Variants in SIK2 observed in about 807,000 individuals in gnomAD.
The protein encoded by SIK2 is serine/threonine-protein kinase SIK2.
Under a neutral mutation model 103.2 loss-of-function variants are expected in SIK2, and 29 were observed. The observed-to-expected ratio is 0.28, with a 90% CI of 0.21 to 0.38. SIK2 has a LOEUF of 0.38. Ranked by LOEUF, SIK2 falls within the 10% of genes least tolerant of loss-of-function variation. The pLI, the probability that SIK2 is intolerant of heterozygous loss-of-function variation, is 1.00. For synonymous variants in SIK2, 412 were observed against 446.1 expected, an observed-to-expected ratio of 0.92 and a Z score of 0.96; for missense variants, 879 against 1,171.0, an observed-to-expected ratio of 0.75 and a Z score of 3.64.
At chr11:111,645,579 G>C (rs1454588009) in intron 3 of SIK2, among the ~76,000 whole-genome samples, 1 of 152,182 alleles carries the variant, frequency 6.6e-6, no homozygotes, top group Admixed American at 6.5e-5. Flanking sequence ...CCAGCACTTT[G>C]GGAGGCCAAG....
chr11:111,693,836 T>C (rs1190331082), intron 4 of SIK2, among the ~76,000 whole-genome samples: 2 of 152,174 alleles, frequency 1.3e-5, no homozygotes, highest in Non-Finnish European at 2.9e-5. Context: ...GTGATAATAT[T>C]GGAGACAGGG....
intron 3 of SIK2, among the ~76,000 whole-genome samples, chr11:111,648,165 A>G (rs1942282071): frequency 1.3e-5 from 2 of 152,204 alleles, no homozygotes. Flanking sequence ...ACATAGTTGT[A>G]GAATACTATG....
At chr11:111,627,571 A>G (rs1307617768) in intron 3 of SIK2, among the ~76,000 whole-genome samples, 2 of 152,174 alleles carry the variant, frequency 1.3e-5, no homozygotes, top group Non-Finnish European at 2.9e-5. Context: ...ATAAGCGGGG[A>G]CTACTGTATA....
chr11:111,662,432 A>C (rs1426057103), intron 3 of SIK2, among the ~76,000 whole-genome samples: 1 of 152,232 alleles, frequency 6.6e-6, no homozygotes, highest in Non-Finnish European at 1.5e-5. Flanking sequence ...CAAGTGGTGA[A>C]GAGTACCAAA....
intron 3 of SIK2, among the ~76,000 whole-genome samples, chr11:111,669,241 C>G (rs1942591169): frequency 6.6e-6 from 1 of 152,012 alleles, no homozygotes; most frequent in Admixed American, 6.6e-5. Context: ...TGTGAGCATG[C>G]TAGAGGAAAT....
chr11:111,639,947 A>G (rs912696706), intron 3 of SIK2, among the ~76,000 whole-genome samples: 1 of 152,162 alleles, frequency 6.6e-6, no homozygotes, highest in Non-Finnish European at 1.5e-5. Context: ...TTAAATCTCT[A>G]ATATTTAATA....
At chr11:111,698,144 A>G (rs1222495440) in intron 4 of SIK2, among the ~76,000 whole-genome samples, 1 of 152,234 alleles carries the variant, frequency 6.6e-6, no homozygotes, top group Non-Finnish European at 1.5e-5. Context: ...CCAAGTTTCT[A>G]TATTCATATT....
intron 7 of SIK2, among the ~76,000 whole-genome samples, chr11:111,704,129 G>A (rs961120778): frequency 5.3e-5 from 8 of 152,138 alleles, no homozygotes; most frequent in Non-Finnish European, 4.4e-5. Flanking sequence ...CCCCCGCCAC[G>A]TAGCCATAAG....
intron 9 of SIK2, among the ~76,000 whole-genome samples, chr11:111,717,406 C>T (rs1363282518): frequency 2.0e-5 from 3 of 149,182 alleles, no homozygotes; most frequent in Non-Finnish European, 4.5e-5. Flanking sequence ...CTATCTCATG[C>T]CAGTCAGAAT....
chr11:111,710,724 C>T (rs928881037), intron 8 of SIK2, among the ~76,000 whole-genome samples: 1 of 152,194 alleles, frequency 6.6e-6, no homozygotes, highest in Non-Finnish European at 1.5e-5. Context: ...ATTGTGCTCT[C>T]ACAGTTGAAG....
chr11:111,696,713 T>C (rs972591159), intron 4 of SIK2, among the ~76,000 whole-genome samples: 7 of 152,214 alleles, frequency 4.6e-5, no homozygotes, highest in Admixed American at 2.0e-4. Flanking sequence ...TGGAGTCTTA[T>C]TATTTTGTGT....
chr11:111,628,453 T>TCTTTC (rs58547600), intron 3 of SIK2, among the ~76,000 whole-genome samples: 17 of 146,012 alleles, frequency 1.2e-4, no homozygotes, highest in South Asian at 2.2e-4. Context: ...TTTCTTTCTT[T>TCTTTC]TTTGAGACAG....
chr11:111,654,528 C>A (rs573542380), intron 3 of SIK2, among the ~76,000 whole-genome samples: 1 of 152,152 alleles, frequency 6.6e-6, no homozygotes, highest in South Asian at 2.1e-4. Flanking sequence ...GTCACTTGTA[C>A]CCTGTTTATA....
rs771432649 is a variant in SIK2, at chr11:111,720,586, T to G, written c.1604T>G (p.Leu535Arg). 2 of 1,614,156 alleles carry G rather than the reference T, an allele frequency of 1.2e-6. No homozygotes were observed. Among genetic ancestry groups the G allele is most frequent in the Non-Finnish European group, 1.7e-6 (2 of 1,180,016 alleles). The change falls in exon 11 of 15, where the codon CTT becomes CGT. Residue 535 changes from leucine (L) to arginine (R), a missense_variant. Coordinates refer to ENST00000304987, the MANE Select transcript of SIK2 (RefSeq NM_015191.3). Reference protein sequence around the residue: ...DLNFLEDNPSLKDIMLANQPS... With the variant: ...DLNFLEDNPSRKDIMLANQPS... ...AACTTTCTGGAAGACAACCCTTCCC[T>G]TAAGGACATCATGTTAGCCAATCAG...
intron 7 of SIK2, 59 bp downstream of exon 7, chr11:111,703,482 C>G (rs1328579164): frequency 2.7e-6 from 4 of 1,471,638 alleles, no homozygotes; most frequent in African/African-American, 2.8e-5. Context: ...ATTTCATGCT[C>G]ACACCTGTCA....
chr11:111,617,808 C>CAT (rs112969933), intron 2 of SIK2, among the ~76,000 whole-genome samples: 146,637 of 152,004 alleles, frequency 0.96, 70,964 homozygotes, highest in East Asian at 1. Flanking sequence ...TTTATATATA[C>CAT]GTCACCATAT....
chr11:111,693,959 C>T (rs1277170914), intron 4 of SIK2, among the ~76,000 whole-genome samples: 1 of 152,196 alleles, frequency 6.6e-6, no homozygotes, highest in Non-Finnish European at 1.5e-5. Flanking sequence ...TTCCTGACTT[C>T]TCTCTTCTCA....
chr11:111,670,031 T>C (rs1455297043), intron 3 of SIK2, among the ~76,000 whole-genome samples: 1 of 152,232 alleles, frequency 6.6e-6, no homozygotes, highest in African/African-American at 2.4e-5. Context: ...TTGTCTTTTC[T>C]TTATGCTGAA....
At chr11:111,623,832 G>GTGTGTAGCT (rs1275514795) in intron 3 of SIK2, among the ~76,000 whole-genome samples, 2 of 152,174 alleles carry the variant, frequency 1.3e-5, no homozygotes, top group African/African-American at 2.4e-5. Context: ...ACTTCTTTCT[G>GTGTGTAGCT]TGTGTAGCTC....
Sources: gnomAD v4.1 joint callset for allele counts (sites outside exome capture counted in the v4.1 genomes callset) on GRCh38, gnomAD v4.1.1 for gene constraint, MANE v1.5 for transcripts, NCBI Gene and HGNC (gene_info 2026-07-23, HGNC 2026-07-21) for gene names.